The following ZCCHC17 variants were observed in gnomAD, a reference collection of about 807,000 sequenced individuals.
The protein encoded by ZCCHC17 is zinc finger CCHC-type containing 17.
A neutral mutation model predicts 30.6 loss-of-function variants in ZCCHC17; 18 were observed. The observed-to-expected ratio is 0.59, with a 90% CI of 0.41 to 0.87. The LOEUF is 0.87. Ranked by LOEUF, ZCCHC17 falls within the 40% of genes least tolerant of loss-of-function variation. The pLI, the probability that ZCCHC17 is intolerant of heterozygous loss-of-function variation, is 0.00. For missense variants in ZCCHC17, 263 were observed against 284.2 expected (o/e 0.93, Z 0.54); for synonymous variants, 88 against 92.4 (o/e 0.95, Z 0.27).
At position 31,364,406 on chromosome 1, in the gene ZCCHC17, G is replaced by T; in HGVS notation, c.*213G>T. ...AGTTGTTGTTTCCTTATCACTCCTG[G>T]TCCCTTTGCAAGTGAACCCTGCAGC... On this transcript the variant is annotated 3_prime_UTR_variant, in exon 8 of 8. Coordinates refer to ENST00000344147, the MANE Select transcript of ZCCHC17 (RefSeq NM_016505.4). 4 of 797,232 alleles carry T rather than the reference G, an allele frequency of 5.0e-6. No homozygotes were observed. In the Admixed American group the frequency reaches 1.2e-4, roughly 25 times the overall value. 49.4% of individuals were successfully genotyped at this position (797,232 alleles called of 1,614,324 possible). A position where few individuals can be genotyped will look rare whatever the true frequency, so the allele number is the denominator to read the frequency against.
chr1:31,345,567 A>ATATATATAATATATATATATAATATAAT (rs1394716349), intron 5 of ZCCHC17, among the ~76,000 whole-genome samples: 8 of 99,472 alleles, frequency 8.0e-5, no homozygotes, highest in African/African-American at 3.2e-4. Context: ...TATATAATAT[A>ATATATATAATATATATATATAATATAAT]ATATATATAT....
chr1:31,348,286 A>G (rs559339898), intron 6 of ZCCHC17, among the ~76,000 whole-genome samples: 11 of 152,166 alleles, frequency 7.2e-5, no homozygotes, highest in Non-Finnish European at 1.6e-4. Flanking sequence ...TGTAGGATGG[A>G]TTTAATGATT....
At chr1:31,327,617 C>T (rs979574520) in intron 3 of ZCCHC17, among the ~76,000 whole-genome samples, 2 of 152,296 alleles carry the variant, frequency 1.3e-5, no homozygotes, top group African/African-American at 4.8e-5. Flanking sequence ...ACACTGTGTA[C>T]GCTACCCACC....
chr1:31,326,833 A>G (rs1384534021), intron 3 of ZCCHC17, among the ~76,000 whole-genome samples: 7 of 152,168 alleles, frequency 4.6e-5, no homozygotes, highest in African/African-American at 1.7e-4. Flanking sequence ...AACTTGAGCA[A>G]TTGACTTCCT....
chr1:31,356,290 G>A (rs1569928814), intron 7 of ZCCHC17, among the ~76,000 whole-genome samples: 1 of 152,196 alleles, frequency 6.6e-6, no homozygotes, highest in Non-Finnish European at 1.5e-5. Context: ...AGGAAATGCA[G>A]TGTAGTCAGG....
chr1:31,318,330 G>A (rs549422622), intron 2 of ZCCHC17: 6 of 1,064,572 alleles, frequency 5.6e-6, no homozygotes, highest in African/African-American at 4.7e-5. Context: ...CAGGTTGGGG[G>A]ATGGGGTAGG....
At chr1:31,354,611 G>T (rs374884455) in intron 7 of ZCCHC17, among the ~76,000 whole-genome samples, 2 of 152,138 alleles carry the variant, frequency 1.3e-5, no homozygotes, top group African/African-American at 2.4e-5. Flanking sequence ...CCTAAAGAGG[G>T]TATATGGATA....
At chr1:31,359,802 A>G (rs1031751078) in intron 7 of ZCCHC17, among the ~76,000 whole-genome samples, 1 of 151,860 alleles carries the variant, frequency 6.6e-6, no homozygotes, top group African/African-American at 2.4e-5. Context: ...CCATTTAAAA[A>G]CTGTTTTATG....
intron 7 of ZCCHC17, among the ~76,000 whole-genome samples, chr1:31,361,287 G>C (rs930468294): frequency 6.6e-6 from 1 of 152,144 alleles, no homozygotes; most frequent in African/African-American, 2.4e-5. Flanking sequence ...ACTTTGACTT[G>C]TCTCCTGTAG....
intron 5 of ZCCHC17, among the ~76,000 whole-genome samples, chr1:31,341,088 A>G (rs1389515020): frequency 6.6e-6 from 1 of 152,200 alleles, no homozygotes; most frequent in Non-Finnish European, 1.5e-5. Flanking sequence ...CAGGGACTCA[A>G]AACTCAGTCT....
chr1:31,308,306 T>A (rs767004315), intron 1 of ZCCHC17, among the ~76,000 whole-genome samples: 9 of 152,214 alleles, frequency 5.9e-5, no homozygotes, highest in Non-Finnish European at 1.2e-4. Context: ...CTTAGGGAGC[T>A]TGAGGACAGG....
chr1:31,314,021 G>T (rs1164582072), intron 2 of ZCCHC17, among the ~76,000 whole-genome samples: 1 of 151,960 alleles, frequency 6.6e-6, no homozygotes, highest in African/African-American at 2.4e-5. Context: ...CAGCCACCAC[G>T]CCCGGCTAAT....
chr1:31,315,479 G>A (rs1236297610), intron 2 of ZCCHC17, among the ~76,000 whole-genome samples: 1 of 152,176 alleles, frequency 6.6e-6, no homozygotes, highest in Non-Finnish European at 1.5e-5. Flanking sequence ...TACGAGCATA[G>A]CAATGAGACT....
In ZCCHC17 at chr1:31,361,786, ATTATTTATTTATTTAT is replaced by A. The variant is rs3049344; in HGVS notation, c.565-2219_565-2204del. ...GTGTTTTTTTTGGGGAGAGGGGGAG[ATTATTTATTTATTTAT>A]TTATTTATTTATTTATTTATTTATT... On this transcript the variant is annotated intron_variant, in intron 7 of 7. Transcript: ENST00000344147. Among the ~76,000 whole-genome samples, 1,404 of 145,898 alleles carry A rather than the reference ATTATTTATTTATTTAT, an allele frequency of 9.6e-3. 24 individuals carry two copies. The highest frequency in any genetic ancestry group is 0.031 in the African/African-American group (1,234 of 39,672).
chr1:31,304,602 A>ATTT (rs560504999), intron 1 of ZCCHC17, among the ~76,000 whole-genome samples: 1 of 134,934 alleles, frequency 7.4e-6, no homozygotes, highest in African/African-American at 2.7e-5. Flanking sequence ...ATATACTCTT[A>ATTT]TTTTTTTTTT....
At chr1:31,301,423 T>C (rs1439326648) in intron 1 of ZCCHC17, among the ~76,000 whole-genome samples, 1 of 152,226 alleles carries the variant, frequency 6.6e-6, no homozygotes, top group African/African-American at 2.4e-5. Flanking sequence ...AAAATGGCAA[T>C]GATAATTGCC....
intron 1 of ZCCHC17, among the ~76,000 whole-genome samples, chr1:31,297,509 TG>T (rs770211981): frequency 5.9e-5 from 9 of 152,178 alleles, no homozygotes; most frequent in Non-Finnish European, 1.3e-4. Context: ...AGCACAGTCT[TG>T]TTGAGAAATT....
chr1:31,351,970 A>G (rs958475025), intron 7 of ZCCHC17, among the ~76,000 whole-genome samples: 3 of 152,166 alleles, frequency 2.0e-5, no homozygotes, highest in Admixed American at 2.0e-4. Context: ...TGGAACTCCA[A>G]ATTTAGTTAA....
intron 3 of ZCCHC17, among the ~76,000 whole-genome samples, chr1:31,328,937 C>CA (rs766603228): frequency 2.0e-4 from 30 of 151,998 alleles, no homozygotes; most frequent in Admixed American, 3.9e-4. Flanking sequence ...GAGACTGAGA[C>CA]AGGGGGATCA....
Sources: gnomAD v4.1 joint callset for allele counts (sites outside exome capture counted in the v4.1 genomes callset) on GRCh38, gnomAD v4.1.1 for gene constraint, MANE v1.5 for transcripts, NCBI Gene and HGNC (gene_info 2026-07-23, HGNC 2026-07-21) for gene names.